Variants in CES5A observed in about 807,000 individuals in gnomAD.
CES5A encodes the protein carboxylesterase 5A.
Under a neutral mutation model 62.9 loss-of-function variants are expected in CES5A, and 67 were observed. The observed-to-expected ratio is 1.07, with a 90% CI of 0.88 to 1.31. The LOEUF (loss-of-function observed/expected upper bound fraction) is 1.31, where lower values mean the gene tolerates loss of function less well. CES5A is among the 50% of genes most tolerant of loss of function. CES5A has a pLI of 0.00. For missense variants in CES5A, 748 were observed against 708.5 expected (o/e 1.06, Z -0.63); for synonymous variants, 296 against 280.8 (o/e 1.05, Z -0.54).
intron 2 of CES5A, among the ~76,000 whole-genome samples, chr16:55,947,660 T>C (rs1240634525): frequency 2.0e-5 from 3 of 151,882 alleles, no homozygotes; most frequent in Non-Finnish European, 2.9e-5. Flanking sequence ...GTGTCATTGA[T>C]TGGGTAGTGA....
At chr16:55,950,297 T>C (rs955715003) in intron 1 of CES5A, among the ~76,000 whole-genome samples, 3 of 152,130 alleles carry the variant, frequency 2.0e-5, no homozygotes, top group African/African-American at 7.2e-5. Flanking sequence ...AAATTGGACA[T>C]GAAGAACTAA....
intron 1 of CES5A, among the ~76,000 whole-genome samples, chr16:55,924,350 A>G (rs2034238413): frequency 6.6e-6 from 1 of 151,964 alleles, no homozygotes; most frequent in South Asian, 2.1e-4. Flanking sequence ...AATACCTAGT[A>G]ATCAATTTAA....
intron 3 of CES5A, 23 bp from the exon 4 acceptor site, chr16:55,869,767 C>T: frequency 6.3e-7 from 1 of 1,586,006 alleles, no homozygotes; most frequent in Non-Finnish European, 8.6e-7. Context: ...GAAGAGCATC[C>T]AGTCAGCCCA....
chr16:55,875,046 A>C, intron 1 of CES5A, 103 bp downstream of exon 1: 1 of 1,140,756 alleles, frequency 8.8e-7, no homozygotes, highest in Non-Finnish European at 1.3e-6. Context: ...ATAGCTCTCC[A>C]CTGGCCCTCA....
chr16:55,953,370 G>A (rs2034577967), intron 1 of CES5A, among the ~76,000 whole-genome samples: 1 of 152,084 alleles, frequency 6.6e-6, no homozygotes. Context: ...ACTCTGAAGA[G>A]AAAGAGACAA....
At chr16:55,877,068 A>T (rs978187405), upstream of CES5A, among the ~76,000 whole-genome samples, 5 of 152,168 alleles carry the variant, frequency 3.3e-5, no homozygotes, top group African/African-American at 1.2e-4. Context: ...TCCTCCTCCC[A>T]GGAACCCCGG....
intron 1 of CES5A, among the ~76,000 whole-genome samples, chr16:55,894,489 ACT>A (rs1397488414): frequency 1.9e-5 from 2 of 103,578 alleles, no homozygotes; most frequent in Non-Finnish European, 3.7e-5. Flanking sequence ...ACAGTGCAAA[ACT>A]CTGTCTCAAA....
chr16:55,943,195 T>G (rs902488134), intron 2 of CES5A, among the ~76,000 whole-genome samples: 3 of 152,258 alleles, frequency 2.0e-5, no homozygotes, highest in Non-Finnish European at 4.4e-5. Flanking sequence ...AAACCATTTA[T>G]AAATGTAGCA....
upstream of CES5A, among the ~76,000 whole-genome samples, chr16:55,875,733 C>T (rs2033684124): frequency 6.6e-6 from 1 of 152,228 alleles, no homozygotes; most frequent in South Asian, 2.1e-4. Flanking sequence ...CAAGAGTCTT[C>T]AATGGCCATT....
At chr16:55,948,716 C>CAA (rs1176327266) in intron 2 of CES5A, among the ~76,000 whole-genome samples, 4 of 152,076 alleles carry the variant, frequency 2.6e-5, no homozygotes, top group African/African-American at 9.7e-5. Context: ...TGCTGTAATC[C>CAA]AAGCTAGGGA....
chr16:55,939,414 G>C (rs1388844863), intron 2 of CES5A, among the ~76,000 whole-genome samples: 4 of 152,124 alleles, frequency 2.6e-5, no homozygotes, highest in Non-Finnish European at 2.9e-5. Context: ...ACTGTTCTGA[G>C]GACTCTGTAT....
chr16:55,871,926 C>A, intron 2 of CES5A, 163 bp from the exon 3 acceptor site: 1 of 641,598 alleles, frequency 1.6e-6, no homozygotes, highest in Non-Finnish European at 2.6e-6. Context: ...CCCATGGTTT[C>A]CAAAACAAAC....
At chr16:55,922,313 A>G (rs183957235) in intron 1 of CES5A, among the ~76,000 whole-genome samples, 37 of 151,994 alleles carry the variant, frequency 2.4e-4, no homozygotes, top group African/African-American at 7.7e-4. Flanking sequence ...CACCTTACCT[A>G]TAAAGACACA....
intron 6 of CES5A, 92 bp downstream of exon 6, chr16:55,863,256 A>G: frequency 1.3e-6 from 1 of 780,362 alleles, no homozygotes; most frequent in East Asian, 2.5e-5. Context: ...CATGGTCACT[A>G]AGGAAAGCCA....
intron 5 of CES5A, among the ~76,000 whole-genome samples, chr16:55,863,957 A>G (rs2033405939): frequency 1.3e-5 from 2 of 152,080 alleles, no homozygotes; most frequent in Non-Finnish European, 2.9e-5. Context: ...GGATTTCACC[A>G]TGTTGGCCAG....
At chr16:55,884,192 A>T (rs2142427004) in intron 1 of CES5A, among the ~76,000 whole-genome samples, 1 of 152,380 alleles carries the variant, frequency 6.6e-6, no homozygotes, top group South Asian at 2.1e-4. Flanking sequence ...CAATTGCCAC[A>T]GATCTGGGAA....
intron 1 of CES5A, 45 bp from the exon 2 acceptor site, chr16:55,874,082 C>G (rs1376692963): frequency 2.0e-6 from 3 of 1,530,720 alleles, no homozygotes; most frequent in Admixed American, 3.9e-5. Context: ...TGGGGACAGG[C>G]AGGGCAATGG....
chr16:55,940,731 A>T (rs760199828), intron 2 of CES5A, among the ~76,000 whole-genome samples: 60 of 151,980 alleles, frequency 3.9e-4, no homozygotes, highest in Non-Finnish European at 7.5e-4. Context: ...AAAACTGCAG[A>T]CTAATATCCT....
At chr16:55,935,220 G>A (rs1460053829) in intron 2 of CES5A, among the ~76,000 whole-genome samples, 1 of 152,228 alleles carries the variant, frequency 6.6e-6, no homozygotes, top group African/African-American at 2.4e-5. Context: ...TGGGATTACA[G>A]GCATGAGCCA....
Sources: gnomAD v4.1 joint callset for allele counts (sites outside exome capture counted in the v4.1 genomes callset) on GRCh38, gnomAD v4.1.1 for gene constraint, MANE v1.5 for transcripts, NCBI Gene and HGNC (gene_info 2026-07-23, HGNC 2026-07-21) for gene names.